The following DACH1 variants were observed in gnomAD, a reference collection of about 807,000 sequenced individuals.
DACH1 encodes dachshund family transcription factor 1, also known as dachshund homolog 1.
In DACH1, 12 loss-of-function variants were observed where a neutral mutation model predicts 54.2. The ratio of observed to expected loss-of-function variants is 0.22; its 90% CI spans 0.14 to 0.36. DACH1 has a LOEUF of 0.36. Among genes scored for constraint, DACH1 ranks in the 10% least tolerant of loss-of-function variants. The probability of loss-of-function intolerance (pLI) is 1.00; values close to 1 mark genes in which losing one functional copy is unlikely to be tolerated. For missense variants in DACH1, 805 were observed against 929.8 expected, an observed-to-expected ratio of 0.87 and a Z score of 1.75; for synonymous variants, 386 against 366.2, an observed-to-expected ratio of 1.05 and a Z score of -0.62.
chr13:71,812,726 T>G (rs1282531684), intron 1 of DACH1, among the ~76,000 whole-genome samples: 1 of 152,082 alleles, frequency 6.6e-6, no homozygotes, highest in East Asian at 1.9e-4. Context: ...TAACTTGAGA[T>G]TCCTCTTAAT....
At chr13:71,795,730 C>T (rs1485710327) in intron 1 of DACH1, among the ~76,000 whole-genome samples, 5 of 152,084 alleles carry the variant, frequency 3.3e-5, no homozygotes, top group Admixed American at 6.6e-5. Context: ...ACTTGTATGA[C>T]GTATAACTTT....
At chr13:71,536,423 A>G (rs1275069062) in intron 6 of DACH1, among the ~76,000 whole-genome samples, 1 of 152,096 alleles carries the variant, frequency 6.6e-6, no homozygotes, top group Non-Finnish European at 1.5e-5. Context: ...CCCTAGGGCT[A>G]ATAGTAAATA....
intron 3 of DACH1, among the ~76,000 whole-genome samples, chr13:71,603,235 C>T (rs1874632997): frequency 6.6e-6 from 1 of 151,806 alleles, no homozygotes; most frequent in African/African-American, 2.4e-5. Context: ...CTGGTTTCCC[C>T]CATTAGGACA....
At chr13:71,463,304 C>T (rs1189298944) in intron 10 of DACH1, among the ~76,000 whole-genome samples, 5 of 151,912 alleles carry the variant, frequency 3.3e-5, no homozygotes, top group Middle Eastern at 3.4e-3. Flanking sequence ...TTAGAGAAAA[C>T]GTCTTGAGAA....
At chr13:71,636,825 T>C (rs948623872) in intron 2 of DACH1, among the ~76,000 whole-genome samples, 1 of 152,122 alleles carries the variant, frequency 6.6e-6, no homozygotes, top group South Asian at 2.1e-4. Flanking sequence ...TTTAAAAGAA[T>C]GAGCAAATTT....
intron 1 of DACH1, among the ~76,000 whole-genome samples, chr13:71,772,242 GAATAGACA>G (rs1885886071): frequency 6.6e-6 from 1 of 151,494 alleles, no homozygotes; most frequent in Non-Finnish European, 1.5e-5. Context: ...ACATACTAAG[GAATAGACA>G]ATGGGTTCTT....
chr13:71,592,581 T>C (rs1365231556), intron 3 of DACH1, among the ~76,000 whole-genome samples: 2 of 150,466 alleles, frequency 1.3e-5, no homozygotes, highest in Non-Finnish European at 3.0e-5. Context: ...TTGGAACTTA[T>C]AATAATTATA....
At chr13:71,827,451 G>C (rs1171520720) in intron 1 of DACH1, among the ~76,000 whole-genome samples, 1 of 152,074 alleles carries the variant, frequency 6.6e-6, no homozygotes, top group Non-Finnish European at 1.5e-5. Context: ...AATTGGTAAG[G>C]CATCTTTGGG....
chr13:71,528,513 C>T (rs112859539), intron 6 of DACH1, among the ~76,000 whole-genome samples: 1 of 148,924 alleles, frequency 6.7e-6, no homozygotes, highest in South Asian at 2.1e-4. Context: ...CTTCAAGCTC[C>T]GCCTCCCGGG....
chr13:71,447,805 C>T (rs1874605304), intron 10 of DACH1, among the ~76,000 whole-genome samples: 1 of 149,714 alleles, frequency 6.7e-6, no homozygotes, highest in Non-Finnish European at 1.5e-5. Flanking sequence ...CACACTCCAG[C>T]CTGGAGAAAA....
chr13:71,516,365 A>T (rs1043352586), intron 6 of DACH1, among the ~76,000 whole-genome samples: 1 of 151,750 alleles, frequency 6.6e-6, no homozygotes, highest in Non-Finnish European at 1.5e-5. Context: ...AAGGCGTCTA[A>T]TTAGCAGAAA....
At chr13:71,666,357 A>G (rs1437943336) in intron 2 of DACH1, among the ~76,000 whole-genome samples, 3 of 152,200 alleles carry the variant, frequency 2.0e-5, no homozygotes, top group African/African-American at 4.8e-5. Context: ...CAAATTTCAA[A>G]TATTTTTCAT....
chr13:71,575,043 A>G (rs1458665706), intron 3 of DACH1, among the ~76,000 whole-genome samples: 1 of 152,034 alleles, frequency 6.6e-6, no homozygotes, highest in Non-Finnish European at 1.5e-5. Flanking sequence ...TCTGCTCTTT[A>G]CATTGCCTTT....
chr13:71,594,178 T>A (rs967716627), intron 3 of DACH1, among the ~76,000 whole-genome samples: 4 of 151,626 alleles, frequency 2.6e-5, no homozygotes, highest in African/African-American at 7.2e-5. Context: ...TATAAAAAAA[T>A]TTTTAGAAAG....
At chr13:71,837,788 A>G (rs954508938) in intron 1 of DACH1, among the ~76,000 whole-genome samples, 1 of 147,684 alleles carries the variant, frequency 6.8e-6, no homozygotes, top group Non-Finnish European at 1.5e-5. Flanking sequence ...GATTAAGAAA[A>G]TGTGGCACAT....
intron 1 of DACH1, among the ~76,000 whole-genome samples, chr13:71,781,492 C>T (rs1038838160): frequency 1.6e-4 from 25 of 151,864 alleles, no homozygotes; most frequent in African/African-American, 5.8e-4. Context: ...CATTCTCCTG[C>T]CTCAGCCTCC....
At chr13:71,465,402 A>G (rs760145794) in intron 10 of DACH1, among the ~76,000 whole-genome samples, 1 of 152,074 alleles carries the variant, frequency 6.6e-6, no homozygotes, top group Non-Finnish European at 1.5e-5. Context: ...AATTGTATTT[A>G]TGCTCTATCT....
At chr13:71,598,079 A>C (rs1165525104) in intron 3 of DACH1, among the ~76,000 whole-genome samples, 2 of 137,884 alleles carry the variant, frequency 1.5e-5, no homozygotes, top group Non-Finnish European at 3.0e-5. Context: ...GACCCTGTCA[A>C]AAAAAAAAAA....
At chr13:71,781,753 T>C (rs2138068246) in intron 1 of DACH1, among the ~76,000 whole-genome samples, 1 of 152,294 alleles carries the variant, frequency 6.6e-6, no homozygotes, top group Non-Finnish European at 1.5e-5. Context: ...GTAAATTTGA[T>C]GCATAATTCA....
Sources: allele counts gnomAD v4.1 joint callset (sites outside exome capture counted in the v4.1 genomes callset), GRCh38; gene constraint gnomAD v4.1.1; transcripts MANE v1.5; gene names NCBI Gene and HGNC (gene_info 2026-07-23, HGNC 2026-07-21).